SGCZ: variants seen among roughly 807,000 people sequenced by gnomAD.
SGCZ encodes the protein zeta-sarcoglycan.
Under a neutral mutation model 41.3 loss-of-function variants are expected in SGCZ, and 40 were observed. The observed-to-expected ratio is 0.97, with a 90% CI of 0.75 to 1.26. The LOEUF is 1.26. SGCZ is among the 50% of genes most tolerant of loss of function. The pLI is 0.00. For missense variants in SGCZ, 552 were observed against 369.8 expected, an observed-to-expected ratio of 1.49 and a Z score of -4.04; for synonymous variants, 206 against 137.5, an observed-to-expected ratio of 1.50 and a Z score of -3.49.
chr8:14,722,162 A>G (rs1021010221), intron 1 of SGCZ, among the ~76,000 whole-genome samples: 22 of 151,934 alleles, frequency 1.4e-4, no homozygotes, highest in Non-Finnish European at 3.1e-4. Flanking sequence ...AATGCATTTC[A>G]TTTTTCTATT....
chr8:14,993,566 T>C (rs894627930), intron 1 of SGCZ, among the ~76,000 whole-genome samples: 2 of 152,172 alleles, frequency 1.3e-5, no homozygotes, highest in Non-Finnish European at 2.9e-5. Flanking sequence ...GAGGGATACA[T>C]ACTCAAAATG....
At chr8:14,649,349 G>A (rs1685644213) in intron 1 of SGCZ, among the ~76,000 whole-genome samples, 1 of 152,074 alleles carries the variant, frequency 6.6e-6, no homozygotes, top group Non-Finnish European at 1.5e-5. Flanking sequence ...AATAAGCTGG[G>A]TGTTTTCCAG....
chr8:14,697,750 T>G lies in SGCZ; in HGVS notation c.40-142824A>C, dbSNP rs145876555. 5.5e-4 allele frequency among the ~76,000 whole-genome samples: 83 copies of G among 152,120 alleles called. No individual in the cohort carries two copies. In the East Asian group the frequency reaches 0.014, roughly 27 times the overall value. On this transcript the variant is annotated intron_variant, in intron 1 of 7. Transcript: ENST00000382080. The stretch of plus-strand genomic sequence containing the variant: ...CCAAAACTCTGGATAACAGAATATC[T>G]TAAATAACTTTATCCTCAAACCCTC...
intron 1 of SGCZ, among the ~76,000 whole-genome samples, chr8:14,719,415 T>C (rs965149638): frequency 9.9e-5 from 15 of 150,836 alleles, no homozygotes; most frequent in African/African-American, 3.4e-4. Flanking sequence ...TCTAGATCCC[T>C]GAGGAATCGC....
intron 1 of SGCZ, among the ~76,000 whole-genome samples, chr8:15,040,990 C>A (rs908437428): frequency 6.6e-6 from 1 of 151,706 alleles, no homozygotes. Flanking sequence ...TGAAATGATA[C>A]AAAAATATCA....
intron 1 of SGCZ, among the ~76,000 whole-genome samples, chr8:15,221,994 A>T (rs1433954366): frequency 2.0e-5 from 3 of 152,178 alleles, no homozygotes; most frequent in African/African-American, 7.2e-5. Context: ...ACATTTCAAA[A>T]TGCATAGAAT....
At chr8:14,441,555 T>A (rs1392413935) in intron 2 of SGCZ, among the ~76,000 whole-genome samples, 2 of 152,158 alleles carry the variant, frequency 1.3e-5, no homozygotes, top group African/African-American at 4.8e-5. Context: ...AGCCTGGTGA[T>A]AGAGCAAGAC....
At chr8:14,200,111 G>A (rs150873159) in intron 4 of SGCZ, among the ~76,000 whole-genome samples, 32 of 152,088 alleles carry the variant, frequency 2.1e-4, no homozygotes, top group African/African-American at 7.5e-4. Context: ...TATCCCCTGT[G>A]GATAATGGGC....
At chr8:14,506,633 C>A (rs1355901639) in intron 2 of SGCZ, among the ~76,000 whole-genome samples, 1 of 152,172 alleles carries the variant, frequency 6.6e-6, no homozygotes, top group Admixed American at 6.5e-5. Context: ...ATGTCTCTTT[C>A]CCCTTCTGTC....
intron 2 of SGCZ, among the ~76,000 whole-genome samples, chr8:14,349,383 A>G (rs1265181003): frequency 1.3e-5 from 2 of 152,060 alleles, no homozygotes; most frequent in Admixed American, 6.6e-5. Context: ...CTTTTATAGT[A>G]TATATTTGTG....
intron 5 of SGCZ, among the ~76,000 whole-genome samples, chr8:14,151,653 A>G (rs1803713322): frequency 6.6e-6 from 1 of 152,128 alleles, no homozygotes; most frequent in Non-Finnish European, 1.5e-5. Context: ...AAGAATAACA[A>G]TAATAATATT....
At chr8:14,399,431 G>C (rs1799009969) in intron 2 of SGCZ, among the ~76,000 whole-genome samples, 2 of 152,014 alleles carry the variant, frequency 1.3e-5, no homozygotes, top group Admixed American at 6.6e-5. Flanking sequence ...TGACAGGCTG[G>C]ACTTCTGTTT....
rs142497698 is a variant in SGCZ at position 14,897,777 on chromosome 8, T to C, written c.39+339808A>G. ...AACATCCTAGCATGTGTGATGTCTC[T>C]ATCCTTAGAAATATCTGATTCACAA... is the stretch of plus-strand genomic sequence containing the variant. On this transcript the variant is annotated intron_variant, in intron 1 of 7. Coordinates refer to ENST00000382080, the MANE Select transcript of SGCZ (RefSeq NM_139167.4). Among the ~76,000 whole-genome samples the C allele has an allele frequency of 4.2e-3, 646 of 152,304 alleles. 6 individuals carry two copies. Among genetic ancestry groups the C allele is most frequent in the African/African-American group, 0.015 (622 of 41,548 alleles).
intron 1 of SGCZ, among the ~76,000 whole-genome samples, chr8:14,740,500 A>G (rs992313894): frequency 1.2e-4 from 18 of 152,028 alleles, no homozygotes; most frequent in African/African-American, 4.3e-4. Flanking sequence ...TCACAAACAC[A>G]TTTGGTAAGT....
intron 1 of SGCZ, among the ~76,000 whole-genome samples, chr8:15,102,977 A>T (rs1422263325): frequency 1.3e-5 from 2 of 152,200 alleles, no homozygotes; most frequent in Non-Finnish European, 2.9e-5. Context: ...CTGTGCATAT[A>T]GGACATAAAT....
At chr8:14,435,401 A>G (rs1420496311) in intron 2 of SGCZ, among the ~76,000 whole-genome samples, 1 of 152,160 alleles carries the variant, frequency 6.6e-6, no homozygotes, top group African/African-American at 2.4e-5. Flanking sequence ...CAACTGAAGC[A>G]ATAGTCACAT....
intron 1 of SGCZ, among the ~76,000 whole-genome samples, chr8:15,023,623 C>T (rs540915739): frequency 3.3e-5 from 5 of 152,264 alleles, no homozygotes; most frequent in African/African-American, 1.2e-4. Flanking sequence ...AAATGTGATA[C>T]TGCTACAACA....
At chr8:14,816,319 A>G (rs1801902246) in intron 1 of SGCZ, among the ~76,000 whole-genome samples, 1 of 152,208 alleles carries the variant, frequency 6.6e-6, no homozygotes, top group Non-Finnish European at 1.5e-5. Flanking sequence ...AGGAAACATT[A>G]CCAGCCCACA....
intron 5 of SGCZ, among the ~76,000 whole-genome samples, chr8:14,136,347 C>T (rs1803198052): frequency 6.6e-6 from 1 of 152,154 alleles, no homozygotes; most frequent in Non-Finnish European, 1.5e-5. Flanking sequence ...CAGGGTGGGG[C>T]ATCACCTTAC....
Sources: gnomAD v4.1 joint callset for allele counts (sites outside exome capture counted in the v4.1 genomes callset) on GRCh38, gnomAD v4.1.1 for gene constraint, MANE v1.5 for transcripts, NCBI Gene and HGNC (gene_info 2026-07-23, HGNC 2026-07-21) for gene names.